The following ATE1 variants were observed in gnomAD, a reference collection of about 807,000 sequenced individuals.
ATE1 encodes arginyl-tRNA--protein transferase 1.
A neutral mutation model predicts 70.5 loss-of-function variants in ATE1; 36 were observed. The observed-to-expected ratio is 0.51, with a 90% CI of 0.39 to 0.67. The LOEUF is 0.67. Among genes scored for constraint, ATE1 ranks in the 30% least tolerant of loss-of-function variants. The probability of loss-of-function intolerance (pLI) is 0.00; values close to 1 mark genes in which losing one functional copy is unlikely to be tolerated. For synonymous variants in ATE1, 232 were observed against 219.3 expected, an observed-to-expected ratio of 1.06 and a Z score of -0.51; for missense variants, 593 against 629.5, an observed-to-expected ratio of 0.94 and a Z score of 0.62.
At chr10:121,901,263 G>A (rs1009705706) in intron 6 of ATE1, among the ~76,000 whole-genome samples, 2 of 150,996 alleles carry the variant, frequency 1.3e-5, no homozygotes, top group African/African-American at 2.4e-5. Context: ...GTGAAACTCC[G>A]TCTCAAAAAA....
At chr10:121,906,267 C>A (rs1356414155) in intron 5 of ATE1, among the ~76,000 whole-genome samples, 2 of 152,050 alleles carry the variant, frequency 1.3e-5, no homozygotes, top group African/African-American at 4.8e-5. Flanking sequence ...GTGGCTCACG[C>A]CCGTAATCCC....
At chr10:121,883,960 C>G (rs1477670036) in intron 7 of ATE1, among the ~76,000 whole-genome samples, 1 of 151,732 alleles carries the variant, frequency 6.6e-6, no homozygotes. Flanking sequence ...CAAAAATTAG[C>G]CGGGCGGTAG....
At chr10:121,766,331 T>G (rs1316233941) in intron 11 of ATE1, among the ~76,000 whole-genome samples, 1 of 152,098 alleles carries the variant, frequency 6.6e-6, no homozygotes, top group Non-Finnish European at 1.5e-5. Flanking sequence ...CAGGCAACCA[T>G]AAGACAGGGG....
chr10:121,848,664 A>T (rs2133853002), intron 8 of ATE1, among the ~76,000 whole-genome samples: 1 of 150,608 alleles, frequency 6.6e-6, no homozygotes, highest in South Asian at 2.1e-4. Context: ...TAATCCCAGC[A>T]CTTTGGGAGT....
At position 121,741,649 on chromosome 10, in the gene ATE1, G is replaced by A. The variant is rs1008371964; in HGVS notation, c.*2031C>T. 5 of 152,160 alleles carry A rather than the reference G, an allele frequency of 3.3e-5. No homozygotes were observed. The allele number at this position is 152,160 out of a possible 1,614,324, so 9.4% of individuals were successfully genotyped here. A position where few individuals can be genotyped will look rare whatever the true frequency, so the allele number is the denominator to read the frequency against. On this transcript the variant is annotated 3_prime_UTR_variant, in exon 12 of 12. Transcript: ENST00000224652. ...ATAACACCAAGTTGGACATTCAAAT[G>A]CTAAGCGAGCCAAGTACCAGCCCTA...
chr10:121,746,294 T>C (rs541440881), intron 11 of ATE1, among the ~76,000 whole-genome samples: 1 of 152,226 alleles, frequency 6.6e-6, no homozygotes, highest in African/African-American at 2.4e-5. Context: ...CTGCTAATAC[T>C]TCCCCAGTGC....
intron 3 of ATE1, among the ~76,000 whole-genome samples, chr10:121,920,735 C>T (rs1037441062): frequency 2.6e-5 from 4 of 152,118 alleles, no homozygotes; most frequent in African/African-American, 7.2e-5. Flanking sequence ...TGGCTCACGC[C>T]TGTAATATCA....
chr10:121,841,207 G>T lies in ATE1; in HGVS notation c.1032C>A (p.Tyr344Ter). 1 of 1,578,826 alleles carries T rather than the reference G, an allele frequency of 6.3e-7. No individual in the cohort carries two copies. The highest frequency in any genetic ancestry group is 1.2e-5 in the South Asian group (1 of 84,550). Residue 344 changes from tyrosine (Y) to a stop codon, truncating the protein, a stop_gained, in exon 9 of 12, where the codon TAC becomes TAA. Transcript: ENST00000224652. LOFTEE classifies it high-confidence loss of function. ...CAGCAATGATCTTTCCGTCAAGCCA[G>T]TACTGCTGGTGAAAGGAGCCATAGC... is the stretch of plus-strand genomic sequence containing the variant. ...DCGYGSFHQQ[Y>*]WLDGKIIAVG...
chr10:121,914,284 C>T (rs1951555561), intron 3 of ATE1, among the ~76,000 whole-genome samples: 1 of 152,032 alleles, frequency 6.6e-6, no homozygotes, highest in Non-Finnish European at 1.5e-5. Context: ...TCAGGCTGGT[C>T]TCAAACTCCT....
intron 10 of ATE1, among the ~76,000 whole-genome samples, chr10:121,829,676 T>A (rs1360424266): frequency 1.3e-5 from 2 of 148,404 alleles, no homozygotes; most frequent in African/African-American, 5.0e-5. Flanking sequence ...GCCACTGCAC[T>A]CCAGCCTGGG....
At position 121,893,935 on chromosome 10, in the gene ATE1, C is replaced by T. The variant is rs571887856; in HGVS notation, c.942+5931G>A. 9.9e-5 allele frequency among the ~76,000 whole-genome samples: 15 copies of T among 152,044 alleles called. No individual in the cohort carries two copies. In the East Asian group the frequency reaches 2.7e-3, roughly 28 times the overall value. ...GGCGGATCACCTGAGGTCAGGAGTTCGAGACCAGCCTGACCAATATGAAGA... is the reference window on the plus strand; with the variant it reads ...GGCGGATCACCTGAGGTCAGGAGTTTGAGACCAGCCTGACCAATATGAAGA... On this transcript the variant is annotated intron_variant, in intron 7 of 11. Coordinates refer to ENST00000224652, the MANE Select transcript of ATE1 (RefSeq NM_001001976.3).
chr10:121,758,132 T>C (rs149898424), intron 11 of ATE1, among the ~76,000 whole-genome samples: 89 of 151,604 alleles, frequency 5.9e-4, no homozygotes, highest in African/African-American at 1.5e-3. Context: ...TGTATATGTG[T>C]AGCTAATAAT....
chr10:121,927,126 T>C (rs1952124368), intron 1 of ATE1: 4 of 985,334 alleles, frequency 4.1e-6, no homozygotes, highest in South Asian at 4.7e-5. Flanking sequence ...ATAAACACGA[T>C]GTTTTGTTTA....
intron 10 of ATE1, among the ~76,000 whole-genome samples, chr10:121,821,776 G>C (rs1947808619): frequency 6.6e-6 from 1 of 152,178 alleles, no homozygotes; most frequent in African/African-American, 2.4e-5. Flanking sequence ...AGCTACTCAG[G>C]AGGCTGAGAC....
At chr10:121,924,128 C>A in intron 2 of ATE1, 138 bp downstream of exon 2, 2 of 694,360 alleles carry the variant, frequency 2.9e-6, no homozygotes, top group South Asian at 2.0e-5. Flanking sequence ...AAAAAGGAGA[C>A]AAAAAATCAC....
At chr10:121,797,642 G>A (rs185497413) in intron 10 of ATE1, among the ~76,000 whole-genome samples, 202 of 150,494 alleles carry the variant, frequency 1.3e-3, no homozygotes, top group South Asian at 0.011. Context: ...GCCCTGAGTG[G>A]CACGGCCCAT....
rs777923775 is a variant in ATE1 at position 121,790,183 on chromosome 10, T to C, written c.1364A>G (p.Gln455Arg). The change falls in exon 11 of 12, where the codon CAG (glutamine) becomes CGG (arginine). Residue 455 changes from glutamine to arginine, a missense_variant. Coordinates refer to ENST00000224652, the MANE Select transcript of ATE1 (RefSeq NM_001001976.3). The part of the protein sequence containing the change: ...LENSKYCRFN[Q>R]DPEAVDEDRS... ...TCCAAACATACCTGCTTCTGGGTCC[T>C]GGTTGAAACGGCAGTACTTGGAGTT... The C allele has an allele frequency of 3.2e-5, 52 of 1,613,912 alleles. No homozygotes were observed. Among genetic ancestry groups the C allele is most frequent in the Non-Finnish European group, 3.8e-5 (45 of 1,179,940 alleles).
intron 5 of ATE1, among the ~76,000 whole-genome samples, chr10:121,904,314 T>C (rs191711231): frequency 5.0e-4 from 76 of 151,560 alleles, no homozygotes; most frequent in Non-Finnish European, 2.9e-5. Flanking sequence ...ATGCTAGTAA[T>C]TTTTTAGAAG....
intron 11 of ATE1, among the ~76,000 whole-genome samples, chr10:121,764,463 C>T (rs1945189990): frequency 7.1e-6 from 1 of 141,004 alleles, no homozygotes; most frequent in Admixed American, 7.4e-5. Flanking sequence ...ATAGCAAGAC[C>T]TTGTCTGTAC....
Sources: gnomAD v4.1 joint callset for allele counts (sites outside exome capture counted in the v4.1 genomes callset) on GRCh38, gnomAD v4.1.1 for gene constraint, MANE v1.5 for transcripts, NCBI Gene and HGNC (gene_info 2026-07-23, HGNC 2026-07-21) for gene names.